Variants in IFT25 observed in about 807,000 individuals in gnomAD.
The protein encoded by IFT25 is intraflagellar transport protein 25 homolog.
At chr1:53,927,822 C>T in the IFT25 span, among the ~76,000 whole-genome samples, 1 of 152,188 alleles carries the variant, frequency 6.6e-6, no homozygotes, top group Non-Finnish European at 1.5e-5. Flanking sequence ...CTTCAATCTG[C>T]TTTCTCTTTA....
At chr1:53,913,716 G>A in the IFT25 span, among the ~76,000 whole-genome samples, 1 of 152,048 alleles carries the variant, frequency 6.6e-6, no homozygotes, top group African/African-American at 2.4e-5. Flanking sequence ...CTTTTATTTG[G>A]AGACAGGGCC....
At chr1:53,938,595 A>G in the IFT25 span, among the ~76,000 whole-genome samples, 1 of 152,200 alleles carries the variant, frequency 6.6e-6, no homozygotes, top group Non-Finnish European at 1.5e-5. Flanking sequence ...TCTGCCTTCA[A>G]TGATTAAAAG....
chr1:53,936,279 T>C, the IFT25 span, among the ~76,000 whole-genome samples: 2 of 150,444 alleles, frequency 1.3e-5, no homozygotes, highest in South Asian at 2.1e-4. Context: ...TAGAACAAGA[T>C]TCCATCTCAA....
At chr1:53,926,000 G>C in the IFT25 span, among the ~76,000 whole-genome samples, 1 of 150,284 alleles carries the variant, frequency 6.7e-6, no homozygotes, top group Non-Finnish European at 1.5e-5. Flanking sequence ...TACTCAGGAG[G>C]CTGAGGCAGG....
chr1:53,932,487 G>C, the IFT25 span, among the ~76,000 whole-genome samples: 1 of 152,194 alleles, frequency 6.6e-6, no homozygotes, highest in Non-Finnish European at 1.5e-5. Context: ...ACAGTGGTCA[G>C]AGAACATACT....
chr1:53,921,425 T>C, the IFT25 span: 9 of 440,800 alleles, frequency 2.0e-5, no homozygotes, highest in Non-Finnish European at 3.3e-5. Flanking sequence ...TCATGTGCAG[T>C]CACTTCCTTG....
At chr1:53,941,815 T>C in the IFT25 span, among the ~76,000 whole-genome samples, 2 of 152,212 alleles carry the variant, frequency 1.3e-5, no homozygotes, top group Non-Finnish European at 2.9e-5. Flanking sequence ...CAAACCTATA[T>C]ATTTCGGTTT....
At chr1:53,928,728 C>G in the IFT25 span, 10 of 308,638 alleles carry the variant, frequency 3.2e-5, no homozygotes, top group South Asian at 6.6e-4. Context: ...GATAATACTA[C>G]TATTGGTGGT....
the IFT25 span, chr1:53,929,704 C>T: frequency 7.8e-3 from 1,449 of 184,682 alleles, 19 homozygotes; most frequent in African/African-American, 0.032. Context: ...GAATAGTGTT[C>T]TAGCAAGCTG....
chr1:53,933,542 A>C, the IFT25 span, among the ~76,000 whole-genome samples: 1 of 152,132 alleles, frequency 6.6e-6, no homozygotes, highest in East Asian at 1.9e-4. Context: ...AACTACAGCG[A>C]CTTTCTTATG....
chr1:53,930,869 T>G, the IFT25 span, among the ~76,000 whole-genome samples: 1 of 152,216 alleles, frequency 6.6e-6, no homozygotes, highest in Non-Finnish European at 1.5e-5. Context: ...TTTTAAGTCA[T>G]ATATAGGCAA....
chr1:53,939,165 G>A, the IFT25 span, among the ~76,000 whole-genome samples: 5 of 151,264 alleles, frequency 3.3e-5, no homozygotes, highest in South Asian at 2.1e-4. Context: ...GCTAAGGTGC[G>A]CGGATCACAA....
the IFT25 span, among the ~76,000 whole-genome samples, chr1:53,914,630 A>G: frequency 6.6e-6 from 1 of 152,010 alleles, no homozygotes; most frequent in Non-Finnish European, 1.5e-5. Flanking sequence ...CCTTTATCTG[A>G]TTATTAGGCT....
At chr1:53,928,209 A>C in the IFT25 span, among the ~76,000 whole-genome samples, 22 of 152,362 alleles carry the variant, frequency 1.4e-4, no homozygotes, top group East Asian at 1.3e-3. Flanking sequence ...GTAAATGAAG[A>C]AGCAGCTTTG....
At chr1:53,936,860 T>A in the IFT25 span, among the ~76,000 whole-genome samples, 2 of 152,060 alleles carry the variant, frequency 1.3e-5, no homozygotes, top group Non-Finnish European at 2.9e-5. Flanking sequence ...AGTAGAAGTA[T>A]AATCATTTTC....
the IFT25 span, among the ~76,000 whole-genome samples, chr1:53,925,887 G>C: frequency 1.3e-5 from 2 of 151,354 alleles, no homozygotes; most frequent in African/African-American, 4.9e-5. Context: ...GACGATTTGA[G>C]GTCAGGAGTT....
At chr1:53,914,887 T>C in the IFT25 span, among the ~76,000 whole-genome samples, 1 of 152,242 alleles carries the variant, frequency 6.6e-6, no homozygotes. Context: ...AAATGAGTGA[T>C]AAACACAATT....
the IFT25 span, among the ~76,000 whole-genome samples, chr1:53,936,437 G>A: frequency 6.6e-6 from 1 of 152,212 alleles, no homozygotes; most frequent in Admixed American, 6.5e-5. Flanking sequence ...GTGACAGAGT[G>A]AGACCTTGTC....
chr1:53,915,939 C>T, the IFT25 span, among the ~76,000 whole-genome samples: 130 of 152,338 alleles, frequency 8.5e-4, 1 homozygote, highest in Non-Finnish European at 5.9e-5. Flanking sequence ...ATTCCCAACA[C>T]TTTGGGAGGC....
Sources: allele counts gnomAD v4.1 joint callset (sites outside exome capture counted in the v4.1 genomes callset), GRCh38; gene constraint gnomAD v4.1.1; transcripts MANE v1.5; gene names NCBI Gene and HGNC (gene_info 2026-07-23, HGNC 2026-07-21).